The following KSR2 variants were observed in gnomAD, a reference collection of about 807,000 sequenced individuals.
The protein encoded by KSR2 is kinase suppressor of ras 2.
Under a neutral mutation model 107.8 loss-of-function variants are expected in KSR2, and 25 were observed. The ratio of observed to expected loss-of-function variants is 0.23; its 90% CI spans 0.17 to 0.32. KSR2 has a LOEUF of 0.32. Ranked by LOEUF, KSR2 falls within the 10% of genes least tolerant of loss-of-function variation. The pLI is 1.00. For synonymous variants in KSR2, 480 were observed against 507.0 expected, an observed-to-expected ratio of 0.95 and a Z score of 0.71; for missense variants, 887 against 1,268.9, an observed-to-expected ratio of 0.70 and a Z score of 4.57.
intron 17 of KSR2, among the ~76,000 whole-genome samples, chr12:117,474,541 C>T (rs946592938): frequency 6.6e-6 from 1 of 151,950 alleles, no homozygotes; most frequent in Admixed American, 6.6e-5. Flanking sequence ...TTTCCCAAAC[C>T]GCTTCCCCAG....
chr12:117,793,034 GCA>G (rs1469472336), intron 3 of KSR2, among the ~76,000 whole-genome samples: 1 of 136,326 alleles, frequency 7.3e-6, no homozygotes, highest in Non-Finnish European at 1.5e-5. Flanking sequence ...ACATCAACAT[GCA>G]CACACGCTCA....
At chr12:117,732,450 C>T (rs78691554) in intron 4 of KSR2, among the ~76,000 whole-genome samples, 10,090 of 151,984 alleles carry the variant, frequency 0.066, 421 homozygotes, top group Middle Eastern at 0.13. Flanking sequence ...CACTATGCCC[C>T]GCTAATTTTT....
intron 4 of KSR2, among the ~76,000 whole-genome samples, chr12:117,737,801 A>T (rs1888001496): frequency 6.6e-6 from 1 of 151,744 alleles, no homozygotes; most frequent in Non-Finnish European, 1.5e-5. Context: ...AAAAAAAAAA[A>T]AAAAGACTTT....
chr12:117,847,224 A>G (rs962993858), intron 3 of KSR2, among the ~76,000 whole-genome samples: 1 of 152,222 alleles, frequency 6.6e-6, no homozygotes, highest in African/African-American at 2.4e-5. Flanking sequence ...ACAATAGGGC[A>G]ATCAAGACCC....
At position 117,501,739 on chromosome 12, in the gene KSR2, C is replaced by G. The variant is rs543405435; in HGVS notation, c.2220-16048G>C. On this transcript the variant is annotated intron_variant, in intron 14 of 19. Transcript: ENST00000339824. ...AGCTTATCTGCAAGCCTGTGTTACG[C>G]AAGGTGGAGACAGACTGAACTACCC... Among the ~76,000 whole-genome samples the G allele has an allele frequency of 2.9e-4, 44 of 152,310 alleles. No homozygotes were observed. The East Asian group carries it at 7.0e-3, about 24-fold the overall frequency.
At chr12:117,853,630 C>T (rs957149737) in intron 3 of KSR2, among the ~76,000 whole-genome samples, 1 of 151,830 alleles carries the variant, frequency 6.6e-6, no homozygotes, top group Non-Finnish European at 1.5e-5. Context: ...GTGTGAGCCA[C>T]CATGCCTAGC....
At chr12:117,757,882 C>T (rs564592335) in intron 4 of KSR2, among the ~76,000 whole-genome samples, 4 of 152,184 alleles carry the variant, frequency 2.6e-5, no homozygotes, top group Admixed American at 1.3e-4. Context: ...GGATCTTTAT[C>T]GTGGTGGTCT....
At chr12:117,562,762 C>T (rs1417498448) in intron 7 of KSR2, among the ~76,000 whole-genome samples, 1 of 152,088 alleles carries the variant, frequency 6.6e-6, no homozygotes, top group East Asian at 1.9e-4. Flanking sequence ...CCCTCCTTGA[C>T]CTCTGTCCCA....
At chr12:117,554,155 C>T (rs1877501980) in intron 9 of KSR2, among the ~76,000 whole-genome samples, 1 of 152,154 alleles carries the variant, frequency 6.6e-6, no homozygotes, top group Non-Finnish European at 1.5e-5. Context: ...CCTTTGCCTC[C>T]TACTGTGAGG....
At chr12:117,902,336 T>C (rs1298345841) in intron 1 of KSR2, among the ~76,000 whole-genome samples, 1 of 151,792 alleles carries the variant, frequency 6.6e-6, no homozygotes, top group African/African-American at 2.4e-5. Context: ...CGCGTGTCAA[T>C]AATCCCAGCT....
rs1445379749 is a variant in KSR2 at position 117,454,501 on chromosome 12, C to G, written c.*12698G>C. The stretch of plus-strand genomic sequence containing the variant: ...ATTTATAGAGACAGCAAACACACCA[C>G]TCCATCAACAGGACTGATACATTCT... On this transcript the variant is annotated 3_prime_UTR_variant, in exon 20 of 20. Transcript: ENST00000339824. 1 of 152,262 alleles carries G rather than the reference C, an allele frequency of 6.6e-6. No homozygotes were observed. Among genetic ancestry groups the G allele is most frequent in the Non-Finnish European group, 1.5e-5 (1 of 68,050 alleles). The allele number at this position is 152,262 out of a possible 1,614,324, so 9.4% of individuals were successfully genotyped here. A position where few individuals can be genotyped will look rare whatever the true frequency, so the allele number is the denominator to read the frequency against.
intron 3 of KSR2, among the ~76,000 whole-genome samples, chr12:117,846,682 G>A (rs1221085161): frequency 6.6e-6 from 1 of 152,238 alleles, no homozygotes; most frequent in Non-Finnish European, 1.5e-5. Flanking sequence ...TGATGATGGG[G>A]ATGTTCTAGA....
chr12:117,819,962 T>C (rs139590001), intron 3 of KSR2, among the ~76,000 whole-genome samples: 73 of 152,366 alleles, frequency 4.8e-4, no homozygotes, highest in Middle Eastern at 3.4e-3. Flanking sequence ...AATTAAAATG[T>C]AATCCCTTTA....
At chr12:117,521,457 A>G (rs1164937165) in intron 14 of KSR2, among the ~76,000 whole-genome samples, 1 of 152,228 alleles carries the variant, frequency 6.6e-6, no homozygotes, top group Non-Finnish European at 1.5e-5. Flanking sequence ...AGTTTTTAAC[A>G]TGAGTGATTG....
chr12:117,513,585 G>A (rs1874170095), intron 14 of KSR2, among the ~76,000 whole-genome samples: 1 of 152,234 alleles, frequency 6.6e-6, no homozygotes, highest in South Asian at 2.1e-4. Flanking sequence ...CACAAGCCAG[G>A]CAGGTTTGGT....
chr12:117,523,066 G>T (rs1468802321), intron 14 of KSR2, among the ~76,000 whole-genome samples: 2 of 152,142 alleles, frequency 1.3e-5, no homozygotes, highest in Non-Finnish European at 2.9e-5. Flanking sequence ...AGGCTTGGAG[G>T]CCCATCCCTA....
At chr12:117,599,639 G>T (rs1880826557) in intron 5 of KSR2, among the ~76,000 whole-genome samples, 1 of 152,070 alleles carries the variant, frequency 6.6e-6, no homozygotes. Flanking sequence ...CAGAAGCACT[G>T]TCCTCCCTAA....
chr12:117,871,428 A>C (rs2137285252), intron 1 of KSR2, among the ~76,000 whole-genome samples: 1 of 152,242 alleles, frequency 6.6e-6, no homozygotes, highest in Middle Eastern at 3.4e-3. Context: ...GTCACTACTA[A>C]AACTACAAAA....
At chr12:117,951,687 G>A (rs149073801) in intron 1 of KSR2, among the ~76,000 whole-genome samples, 1 of 152,316 alleles carries the variant, frequency 6.6e-6, no homozygotes, top group East Asian at 1.9e-4. Flanking sequence ...GTCTTTGGGA[G>A]TGGCCATCTC....
Sources: allele counts gnomAD v4.1 joint callset (sites outside exome capture counted in the v4.1 genomes callset), GRCh38; gene constraint gnomAD v4.1.1; transcripts MANE v1.5; gene names NCBI Gene and HGNC (gene_info 2026-07-23, HGNC 2026-07-21).